The following SCTR variants were observed in gnomAD, a reference collection of about 807,000 sequenced individuals.
The protein encoded by SCTR is pancreatic secretin receptor.
In SCTR, 56 loss-of-function variants were observed where a neutral mutation model predicts 60.8. That is an observed-to-expected ratio of 0.92 (90% CI 0.74 to 1.15). SCTR has a LOEUF of 1.15. Ranked by LOEUF, SCTR falls within the 50% of genes most tolerant of loss-of-function variation. The pLI, the probability that SCTR is intolerant of heterozygous loss-of-function variation, is 0.00. For missense variants in SCTR, 562 were observed against 550.4 expected (o/e 1.02, Z -0.21); for synonymous variants, 202 against 217.0 (o/e 0.93, Z 0.61).
Position 119,524,241 on chromosome 2 carries a change from C to T in SCTR, c.-15G>A. On this transcript the variant is annotated 5_prime_UTR_variant, in exon 1 of 13. Coordinates refer to ENST00000019103, the MANE Select transcript of SCTR (RefSeq NM_002980.3). ...TGGGGACGCATGGTGCCCGCACGTT[C>T]CCCGAGGGCGCCCCGACGTCCGCCT... 7.0e-7 allele frequency: 1 copy of T among 1,428,142 alleles called. No individual in the cohort carries two copies. The highest frequency in any genetic ancestry group is 9.2e-7 in the Non-Finnish European group (1 of 1,089,302). The allele number at this position is 1,428,142 out of a possible 1,614,324, so 88.5% of individuals were successfully genotyped here. A position where few individuals can be genotyped will look rare whatever the true frequency, so the allele number is the denominator to read the frequency against.
At chr2:119,516,598 G>T (rs1272153397) in intron 1 of SCTR, among the ~76,000 whole-genome samples, 1 of 152,192 alleles carries the variant, frequency 6.6e-6, no homozygotes, top group East Asian at 1.9e-4. Context: ...CAAAGGGTAT[G>T]AAGTTGCAGT....
chr2:119,448,271 G>A (rs553650971), intron 10 of SCTR, among the ~76,000 whole-genome samples: 2 of 152,282 alleles, frequency 1.3e-5, no homozygotes, highest in Non-Finnish European at 2.9e-5. Context: ...GAAAACGAAC[G>A]TATTTCTCTT....
At position 119,440,225 on chromosome 2, in the gene SCTR, T is replaced by C; in HGVS notation, c.1215A>G (p.Gln405=). 1 of 1,613,968 alleles carries C rather than the reference T, an allele frequency of 6.2e-7. No homozygotes were observed. Among genetic ancestry groups the C allele is most frequent in the Non-Finnish European group, 8.5e-7 (1 of 1,179,960 alleles). The change falls in exon 13 of 13, where the codon CAA becomes CAG. Residue 405 remains glutamine, a synonymous_variant. Coordinates refer to ENST00000019103, the MANE Select transcript of SCTR (RefSeq NM_002980.3). The part of the protein sequence containing the change: ...VQLEVQKKWQ[Q]WHLREFPLHP... The stretch of plus-strand genomic sequence containing the variant: ...GCAGTGGGAACTCACGGAGGTGCCA[T>C]TGCTGCCACTTCTTCTGAACCTCCA...
At chr2:119,477,434 GT>G (rs1469070312) in intron 3 of SCTR, among the ~76,000 whole-genome samples, 2 of 145,152 alleles carry the variant, frequency 1.4e-5, no homozygotes, top group Non-Finnish European at 3.0e-5. Context: ...TGTTCTGGAC[GT>G]TTTTTGTTTG....
intron 12 of SCTR, among the ~76,000 whole-genome samples, chr2:119,440,850 G>T (rs1198767752): frequency 6.6e-6 from 1 of 152,244 alleles, no homozygotes; most frequent in Non-Finnish European, 1.5e-5. Flanking sequence ...ATTCCCAGCT[G>T]CAGCAGCTGA....
intron 1 of SCTR, among the ~76,000 whole-genome samples, chr2:119,516,184 A>G (rs1679109790): frequency 6.6e-6 from 1 of 152,140 alleles, no homozygotes; most frequent in African/African-American, 2.4e-5. Flanking sequence ...TCAAAATAGA[A>G]CTAACATATG....
Position 119,461,977 on chromosome 2 carries a change from CACCAT to C in SCTR, c.655_659del (p.Met219AlafsTer31). ...TGGCCATGATGCAGTACTGGAACAG[CACCAT>C]GACCAGCTTGCAGCCCGCCTGGAGA... On this transcript the variant is annotated frameshift_variant, in exon 7 of 13. Transcript: ENST00000019103. LOFTEE classifies it high-confidence loss of function. 6.2e-7 allele frequency: 1 copy of C among 1,607,722 alleles called. No individual in the cohort carries two copies.
chr2:119,449,051 C>A (rs557696885), intron 9 of SCTR, among the ~76,000 whole-genome samples: 1 of 152,230 alleles, frequency 6.6e-6, no homozygotes, highest in Admixed American at 6.5e-5. Context: ...ATCACTCACC[C>A]GTGCAGAGCA....
At chr2:119,492,077 T>C (rs1678153292) in intron 2 of SCTR, among the ~76,000 whole-genome samples, 1 of 152,160 alleles carries the variant, frequency 6.6e-6, no homozygotes, top group Admixed American at 6.5e-5. Flanking sequence ...TCCCAGTATA[T>C]CTCATCCTTC....
intron 12 of SCTR, among the ~76,000 whole-genome samples, chr2:119,441,102 G>C (rs887094612): frequency 6.6e-6 from 1 of 152,180 alleles, no homozygotes; most frequent in African/African-American, 2.4e-5. Flanking sequence ...CCTAAGGATT[G>C]AGCTGCAGAC....
At chr2:119,453,737 G>A (rs1000809603) in intron 7 of SCTR, among the ~76,000 whole-genome samples, 13 of 152,218 alleles carry the variant, frequency 8.5e-5, no homozygotes, top group African/African-American at 1.7e-4. Flanking sequence ...CACGTGCAGC[G>A]GGGAGGAGGA....
chr2:119,440,309 G>C, intron 12 of SCTR, 52 bp from the exon 13 acceptor site: 1 of 1,574,696 alleles, frequency 6.4e-7, no homozygotes, highest in Non-Finnish European at 8.6e-7. Flanking sequence ...TTCTGTGCCT[G>C]GAGCCCTGCT....
At position 119,465,850 on chromosome 2, in the gene SCTR, C is replaced by T. The variant is rs751408090; in HGVS notation, c.442G>A (p.Val148Met). ...ATGACCAGGGAGGAGCTGTAGCCCA[C>T]GGTGTACATGACTTTCAGCTTCAGC... ...YLLKLKVMYT[V>M]GYSSSLVMLL... Residue 148 changes from valine (V) to methionine (M), a missense_variant, in exon 5 of 13, where the codon GTG (valine) becomes ATG (methionine). Transcript: ENST00000019103. 5.0e-6 allele frequency: 8 copies of T among 1,613,834 alleles called. No individual in the cohort carries two copies. The highest frequency in any genetic ancestry group is 3.3e-5 in the South Asian group (3 of 91,082).
intron 1 of SCTR, among the ~76,000 whole-genome samples, chr2:119,514,562 A>G (rs1679052774): frequency 6.6e-6 from 1 of 152,116 alleles, no homozygotes. Context: ...CTGGGAGGAG[A>G]TATAATAAAA....
At chr2:119,452,632 A>C (rs1361297408) in intron 8 of SCTR, among the ~76,000 whole-genome samples, 1 of 152,202 alleles carries the variant, frequency 6.6e-6, no homozygotes, top group Non-Finnish European at 1.5e-5. Flanking sequence ...CACCCAATAC[A>C]AAAATTACTT....
At chr2:119,458,032 G>T (rs1683441477) in intron 7 of SCTR, among the ~76,000 whole-genome samples, 1 of 151,932 alleles carries the variant, frequency 6.6e-6, no homozygotes, top group South Asian at 2.1e-4. Flanking sequence ...GGTGGCTCAT[G>T]CCTGTAATCC....
Position 119,464,220 on chromosome 2 carries a change from T to A in SCTR, c.539A>T (p.His180Leu). The change falls in exon 6 of 13, where the codon CAC (histidine) becomes CTC (leucine). Residue 180 changes from histidine to leucine, a missense_variant. Physicochemically the swap from His to Leu is moderately conservative, Grantham distance 99. Coordinates refer to ENST00000019103, the MANE Select transcript of SCTR (RefSeq NM_002980.3). The stretch of plus-strand genomic sequence containing the variant: ...ACGAAGGATGAAGGACACGAACAGG[T>A]GCATGTGGATGTAGTTGCGAGTGCA... ...LHCTRNYIHM[H>L]LFVSFILRAL... is the part of the protein sequence containing the mutation. 6.2e-7 allele frequency: 1 copy of A among 1,614,042 alleles called. No individual in the cohort carries two copies. Among genetic ancestry groups the A allele is most frequent in the African/African-American group, 1.3e-5 (1 of 75,000 alleles).
chr2:119,492,434 C>T (rs544582795), intron 2 of SCTR, among the ~76,000 whole-genome samples: 1 of 152,348 alleles, frequency 6.6e-6, no homozygotes, highest in East Asian at 1.9e-4. Flanking sequence ...TCATTTCACA[C>T]CAACTCCATA....
intron 4 of SCTR, among the ~76,000 whole-genome samples, chr2:119,466,291 C>T (rs997646835): frequency 6.6e-6 from 1 of 152,116 alleles, no homozygotes. Context: ...ACTTGCACCA[C>T]CTATTGGTCC....
Sources: allele counts gnomAD v4.1 joint callset (sites outside exome capture counted in the v4.1 genomes callset), GRCh38; gene constraint gnomAD v4.1.1; transcripts MANE v1.5; gene names NCBI Gene and HGNC (gene_info 2026-07-23, HGNC 2026-07-21).